The following KIRREL3 variants were observed in gnomAD, a reference collection of about 807,000 sequenced individuals.
KIRREL3 encodes the protein kirre like nephrin family adhesion molecule 3.
Under a neutral mutation model 89.7 loss-of-function variants are expected in KIRREL3, and 36 were observed. The ratio of observed to expected loss-of-function variants is 0.40; its 90% CI spans 0.31 to 0.53. The LOEUF is 0.53. Among genes scored for constraint, KIRREL3 ranks in the 20% least tolerant of loss-of-function variants. The pLI, the probability that KIRREL3 is intolerant of heterozygous loss-of-function variation, is 0.49. For missense variants in KIRREL3, 864 were observed against 1,056.6 expected (o/e 0.82, Z 2.53); for synonymous variants, 445 against 441.4 (o/e 1.01, Z -0.10).
intron 1 of KIRREL3, among the ~76,000 whole-genome samples, chr11:126,632,298 G>T (rs1944063158): frequency 6.6e-6 from 1 of 152,162 alleles, no homozygotes; most frequent in Non-Finnish European, 1.5e-5. Context: ...TGCCCTTGTG[G>T]GTCTCTCCCT....
At chr11:126,480,944 C>CAGG (rs1434465331) in intron 4 of KIRREL3, among the ~76,000 whole-genome samples, 1 of 152,180 alleles carries the variant, frequency 6.6e-6, no homozygotes, top group African/African-American at 2.4e-5. Context: ...TGGAGAACTG[C>CAGG]AGGATGTAGA....
chr11:126,949,015 C>T (rs989111469), intron 1 of KIRREL3, among the ~76,000 whole-genome samples: 3 of 152,146 alleles, frequency 2.0e-5, no homozygotes, highest in African/African-American at 7.2e-5. Flanking sequence ...CCATTCTTGG[C>T]TTTTTATATT....
At chr11:126,809,735 C>A (rs767431630) in intron 1 of KIRREL3, among the ~76,000 whole-genome samples, 5 of 152,166 alleles carry the variant, frequency 3.3e-5, no homozygotes, top group African/African-American at 1.2e-4. Context: ...TGCTATCATC[C>A]CTGCCTCTAG....
Position 126,924,926 on chromosome 11 carries a change from C to G in KIRREL3, c.55+75529G>C, listed in dbSNP as rs1226729488. 6.7e-6 allele frequency among the ~76,000 whole-genome samples: 1 copy of G among 148,634 alleles called. No individual in the cohort carries two copies. On this transcript the variant is annotated intron_variant, in intron 1 of 16. Transcript: ENST00000525144. This position sits in a 1 kb window ranked among gnomAD's most constrained non-coding sequence, Gnocchi z 4.7. Reference sequence around the variant, plus strand: ...CTGTGTATGTGTGTGTGTGTACATGCTTATGTGTGTGTGTGTGTGTTGCAG... The same window carrying G: ...CTGTGTATGTGTGTGTGTGTACATGGTTATGTGTGTGTGTGTGTGTTGCAG...
chr11:126,437,204 C>T (rs142881852), intron 11 of KIRREL3, among the ~76,000 whole-genome samples, 195 bp from the exon 12 acceptor site: 11 of 152,298 alleles, frequency 7.2e-5, no homozygotes, highest in Non-Finnish European at 1.2e-4. Flanking sequence ...ACACACAACA[C>T]GCATCACCAC....
Position 126,748,668 on chromosome 11 carries a change from G to T in KIRREL3, c.56-185756C>A, listed in dbSNP as rs905094479. On this transcript the variant is annotated intron_variant, in intron 1 of 16. Transcript: ENST00000525144. This position sits in a 1 kb window ranked among gnomAD's most constrained non-coding sequence, Gnocchi z 4.6. ...GGGGCAGGAAGGCCAAGGCTGATTC[G>T]GCCTTGGTCTGGCAAGGGAAGCTGC... Among the ~76,000 whole-genome samples, 2 of 152,112 alleles carry T rather than the reference G, an allele frequency of 1.3e-5. No homozygotes were observed. The highest frequency in any genetic ancestry group is 4.8e-5 in the African/African-American group (2 of 41,438).
rs1307484747 is a variant in KIRREL3 at position 126,614,955 on chromosome 11, G to A, written c.56-52043C>T. Among the ~76,000 whole-genome samples the A allele has an allele frequency of 1.3e-5, 2 of 152,030 alleles. No homozygotes were observed. Among genetic ancestry groups the A allele is most frequent in the South Asian group, 2.1e-4 (1 of 4,812 alleles). On this transcript the variant is annotated intron_variant, in intron 1 of 16. Coordinates refer to ENST00000525144, the MANE Select transcript of KIRREL3 (RefSeq NM_032531.4). The surrounding 1 kb of genome is among the most constrained non-coding windows in gnomAD (Gnocchi z 4.6). ...AGATAAGGTAGGCTTATTATTTTTC[G>A]AGTGGAACTGGGACTGTTTAGCCTA...
intron 1 of KIRREL3, among the ~76,000 whole-genome samples, chr11:126,751,118 A>G (rs571476104): frequency 6.6e-6 from 1 of 152,348 alleles, no homozygotes; most frequent in East Asian, 1.9e-4. Context: ...CTTCATGTCA[A>G]CAGTATAGAC....
chr11:126,644,647 G>T (rs1944595685), intron 1 of KIRREL3, among the ~76,000 whole-genome samples: 1 of 152,170 alleles, frequency 6.6e-6, no homozygotes, highest in African/African-American at 2.4e-5. Context: ...TGCAGATGAG[G>T]TGAGAAGAAT....
Position 126,995,087 on chromosome 11 carries a change from C to T in KIRREL3, c.55+5368G>A, listed in dbSNP as rs548235464. On this transcript the variant is annotated intron_variant, in intron 1 of 16. Coordinates refer to ENST00000525144, the MANE Select transcript of KIRREL3 (RefSeq NM_032531.4). The surrounding 1 kb of genome is among the most constrained non-coding windows in gnomAD (Gnocchi z 6.5). Reference sequence around the variant, plus strand: ...ACTCTACTTGGAATACAGGATGAAGCGATTACAACCTGGGCGCAGTATACT... The same window carrying T: ...ACTCTACTTGGAATACAGGATGAAGTGATTACAACCTGGGCGCAGTATACT... 21 of 409,796 alleles carry T rather than the reference C, an allele frequency of 5.1e-5. No homozygotes were observed. The highest frequency in any genetic ancestry group is 8.0e-4 in the Middle Eastern group (1 of 1,248). 25.4% of individuals were successfully genotyped at this position (409,796 alleles called of 1,614,324 possible).
At chr11:126,533,888 CCTT>C (rs1959016235) in intron 2 of KIRREL3, among the ~76,000 whole-genome samples, 1 of 152,212 alleles carries the variant, frequency 6.6e-6, no homozygotes, top group South Asian at 2.1e-4. Context: ...GGGAAACCGA[CCTT>C]CTTCTCTCAA....
At chr11:126,939,145 T>C (rs1948331293) in intron 1 of KIRREL3, among the ~76,000 whole-genome samples, 1 of 152,204 alleles carries the variant, frequency 6.6e-6, no homozygotes. Context: ...CTGTGCATGT[T>C]GGATTGGACT....
At chr11:126,680,415 T>TATATATATATATAC (rs551073557) in intron 1 of KIRREL3, among the ~76,000 whole-genome samples, 1 of 151,498 alleles carries the variant, frequency 6.6e-6, no homozygotes, top group African/African-American at 2.4e-5. Flanking sequence ...TATATATATA[T>TATATATATATATAC]ACACATAGCC....
chr11:126,865,425 T>C (rs757228619), intron 1 of KIRREL3, among the ~76,000 whole-genome samples: 18 of 152,212 alleles, frequency 1.2e-4, no homozygotes, highest in Non-Finnish European at 1.9e-4. Flanking sequence ...GTGTTTAGTC[T>C]GGGATTAGTA....
rs116875546 is a variant in KIRREL3, at chr11:126,981,059, A to G, written c.55+19396T>C. 0.013 allele frequency among the ~76,000 whole-genome samples: 2,011 copies of G among 152,316 alleles called. 14 individuals are homozygous for G. Among genetic ancestry groups the G allele is most frequent in the South Asian group, 0.027 (132 of 4,828 alleles). ...CTGTACCGTGGACTATCATTATTCAATTTAAATTGCTACAAAGTACTATTC... is the reference window on the plus strand; with the variant it reads ...CTGTACCGTGGACTATCATTATTCAGTTTAAATTGCTACAAAGTACTATTC... On this transcript the variant is annotated intron_variant, in intron 1 of 16. Coordinates refer to ENST00000525144, the MANE Select transcript of KIRREL3 (RefSeq NM_032531.4). This position sits in a 1 kb window ranked among gnomAD's most constrained non-coding sequence, Gnocchi z 4.2.
chr11:126,778,611 A>C lies in KIRREL3; in HGVS notation c.56-215699T>G, dbSNP rs1463754485. ...ATTTTTCCTTCGTTTGAATTTCTAG[A>C]ATAGAAACTGCTAGAAGAACACAAA... is the stretch of plus-strand genomic sequence containing the variant. On this transcript the variant is annotated intron_variant, in intron 1 of 16. Coordinates refer to ENST00000525144, the MANE Select transcript of KIRREL3 (RefSeq NM_032531.4). The surrounding 1 kb of genome is among the most constrained non-coding windows in gnomAD (Gnocchi z 4.5). Among the ~76,000 whole-genome samples, 1 of 152,212 alleles carries C rather than the reference A, an allele frequency of 6.6e-6. No homozygotes were observed.
At chr11:126,701,230 T>C (rs1395406562) in intron 1 of KIRREL3, among the ~76,000 whole-genome samples, 1 of 152,214 alleles carries the variant, frequency 6.6e-6, no homozygotes, top group Non-Finnish European at 1.5e-5. Context: ...TGTGCATGTG[T>C]GTGACACCCC....
chr11:126,561,358 T>C lies in KIRREL3; in HGVS notation c.133+1477A>G, dbSNP rs909117413. Among the ~76,000 whole-genome samples, 1 of 152,242 alleles carries C rather than the reference T, an allele frequency of 6.6e-6. No individual in the cohort carries two copies. Among genetic ancestry groups the C allele is most frequent in the Admixed American group, 6.5e-5 (1 of 15,290 alleles). On this transcript the variant is annotated intron_variant, in intron 2 of 16. Transcript: ENST00000525144. This position sits in a 1 kb window ranked among gnomAD's most constrained non-coding sequence, Gnocchi z 4.5. The stretch of plus-strand genomic sequence containing the variant: ...CAGCCACCCAGAAGCTGAGGTCAGA[T>C]ATCTGGAGCTATGGGTTTCAATTCC...
In KIRREL3 at chr11:126,491,473, T is replaced by C. The variant is rs1023863871; in HGVS notation, c.434-18007A>G. Among the ~76,000 whole-genome samples, 2 of 152,082 alleles carry C rather than the reference T, an allele frequency of 1.3e-5. No homozygotes were observed. The highest frequency in any genetic ancestry group is 2.9e-5 in the Non-Finnish European group (2 of 68,016). On this transcript the variant is annotated intron_variant, in intron 4 of 16. Coordinates refer to ENST00000525144, the MANE Select transcript of KIRREL3 (RefSeq NM_032531.4). The surrounding 1 kb of genome is among the most constrained non-coding windows in gnomAD (Gnocchi z 5.5). The stretch of plus-strand genomic sequence containing the variant: ...TAAAGCCTGCATCCTGGTTCTCTGC[T>C]CCCATCTGGGCCAGACTGTTGGACT...
Sources: gnomAD v4.1 joint callset for allele counts (sites outside exome capture counted in the v4.1 genomes callset) on GRCh38, gnomAD v4.1.1 for gene constraint, Gnocchi (gnomAD v3.1) non-coding constraint, MANE v1.5 for transcripts, NCBI Gene and HGNC (gene_info 2026-07-23, HGNC 2026-07-21) for gene names.